The following ASTN2 variants were observed in gnomAD, a reference collection of about 807,000 sequenced individuals.
ASTN2 encodes astrotactin 2.
Under a neutral mutation model 139.8 loss-of-function variants are expected in ASTN2, and 54 were observed. The ratio of observed to expected loss-of-function variants is 0.39; its 90% confidence interval spans 0.31 to 0.48. The LOEUF is 0.48. Ranked by LOEUF, ASTN2 falls within the 20% of genes least tolerant of loss-of-function variation. The pLI is 0.95. For missense variants in ASTN2, 1,565 were observed against 1,725.1 expected (o/e 0.91, Z 1.64); for synonymous variants, 756 against 719.5 (o/e 1.05, Z -0.81).
chr9:116,549,464 C>G (rs999976757), intron 19 of ASTN2, among the ~76,000 whole-genome samples: 14 of 152,204 alleles, frequency 9.2e-5, no homozygotes, highest in African/African-American at 3.1e-4. Context: ...GAGCTCTGAT[C>G]CCAGCTGGGG....
intron 13 of ASTN2, among the ~76,000 whole-genome samples, chr9:116,762,322 C>T (rs1049223932): frequency 1.3e-5 from 2 of 152,172 alleles, no homozygotes; most frequent in African/African-American, 4.8e-5. Context: ...GCTTCAGTTT[C>T]CACATCTCTG....
intron 3 of ASTN2, among the ~76,000 whole-genome samples, chr9:117,154,367 A>G (rs1283858325): frequency 6.6e-6 from 1 of 151,984 alleles, no homozygotes; most frequent in Non-Finnish European, 1.5e-5. Flanking sequence ...ATCAACAAAA[A>G]CACAAGCAGG....
At chr9:116,918,471 T>C (rs530344291) in intron 10 of ASTN2, among the ~76,000 whole-genome samples, 1 of 152,336 alleles carries the variant, frequency 6.6e-6, no homozygotes, top group East Asian at 1.9e-4. Context: ...TCCCAGCTCT[T>C]CCCTGAATTC....
At chr9:117,142,161 A>G (rs1394161078) in intron 3 of ASTN2, among the ~76,000 whole-genome samples, 1 of 152,220 alleles carries the variant, frequency 6.6e-6, no homozygotes. Flanking sequence ...AGTGATAAAG[A>G]CATCTGGTAG....
At position 116,424,284 on chromosome 9, in the gene ASTN2, T is replaced by A. The variant is rs951048207; in HGVS notation, c.*1567A>T. On this transcript the variant is annotated 3_prime_UTR_variant, in exon 23 of 23. Transcript: ENST00000313400. The stretch of plus-strand genomic sequence containing the variant: ...ACCCCCTAAGCTATCATCACCTCCT[T>A]CATGGAAAATGACAATGGCACCCCT... Among the ~76,000 whole-genome samples, 2 of 152,160 alleles carry A rather than the reference T, an allele frequency of 1.3e-5. No homozygotes were observed. The highest frequency in any genetic ancestry group is 2.4e-5 in the African/African-American group (1 of 41,432).
In ASTN2 at chr9:116,948,393, T is replaced by G. The variant is rs143577578; in HGVS notation, c.1889+26815A>C. Among the ~76,000 whole-genome samples, 880 of 152,298 alleles carry G rather than the reference T, an allele frequency of 5.8e-3. 9 individuals are homozygous for G. Among genetic ancestry groups the G allele is most frequent in the African/African-American group, 0.02 (846 of 41,564 alleles). ...TAATTATTTATTTTGATGCTCAACT[T>G]GTACCAAATTTGACCAGTGGCAGTG... On this transcript the variant is annotated intron_variant, in intron 10 of 22. Coordinates refer to ENST00000313400, the MANE Select transcript of ASTN2 (RefSeq NM_001365068.1).
intron 13 of ASTN2, among the ~76,000 whole-genome samples, chr9:116,802,922 G>A (rs987318904): frequency 2.0e-5 from 3 of 152,148 alleles, no homozygotes; most frequent in African/African-American, 7.2e-5. Flanking sequence ...ACTATTCTTT[G>A]CTATCACTTC....
At chr9:116,888,786 C>T (rs556844825) in intron 10 of ASTN2, among the ~76,000 whole-genome samples, 1 of 152,050 alleles carries the variant, frequency 6.6e-6, no homozygotes, top group South Asian at 2.1e-4. Context: ...GTTTGCTGCA[C>T]CTATCAACCC....
chr9:117,059,352 G>T (rs1045306582), intron 5 of ASTN2, among the ~76,000 whole-genome samples: 1 of 152,158 alleles, frequency 6.6e-6, no homozygotes, highest in South Asian at 2.1e-4. Flanking sequence ...GGTGGCTCAT[G>T]CCTGTAATCC....
intron 15 of ASTN2, among the ~76,000 whole-genome samples, chr9:116,727,122 T>C (rs540573912): frequency 1.3e-5 from 2 of 151,978 alleles, no homozygotes; most frequent in East Asian, 3.9e-4. Flanking sequence ...AAGTCACCTC[T>C]TCTCCAAGAA....
chr9:117,328,964 T>C (rs1828611448), intron 1 of ASTN2, among the ~76,000 whole-genome samples: 1 of 151,816 alleles, frequency 6.6e-6, no homozygotes, highest in African/African-American at 2.4e-5. Context: ...ATCGAAGGAG[T>C]CTGAACTTTA....
At chr9:117,115,857 C>T (rs993289524) in intron 4 of ASTN2, among the ~76,000 whole-genome samples, 8 of 151,866 alleles carry the variant, frequency 5.3e-5, no homozygotes, top group African/African-American at 1.9e-4. Flanking sequence ...AAACCCGTCT[C>T]TACTAAAAAT....
chr9:116,520,436 G>A (rs1850819196), intron 19 of ASTN2, among the ~76,000 whole-genome samples: 1 of 152,046 alleles, frequency 6.6e-6, no homozygotes, highest in Admixed American at 6.6e-5. Context: ...AAAGGCATGT[G>A]ACAAAACCCA....
chr9:116,808,108 C>G lies in ASTN2; in HGVS notation c.2208-2288G>C, dbSNP rs1379121045. ...CAGCCCAGGCAACAGTGTGAGACTT[C>G]GTCTCAAAAACAAAACAAAACAAAA... On this transcript the variant is annotated intron_variant, in intron 12 of 22. Transcript: ENST00000313400. Among the ~76,000 whole-genome samples the G allele has an allele frequency of 4.6e-5, 7 of 152,170 alleles. No homozygotes were observed. In the South Asian group the frequency reaches 1.5e-3, roughly 32 times the overall value.
At chr9:116,918,974 T>C (rs932031247) in intron 10 of ASTN2, among the ~76,000 whole-genome samples, 1 of 152,214 alleles carries the variant, frequency 6.6e-6, no homozygotes, top group African/African-American at 2.4e-5. Context: ...ACCACAAATT[T>C]AAAATTGTTG....
At chr9:116,483,032 A>C (rs1310459641) in intron 20 of ASTN2, among the ~76,000 whole-genome samples, 1 of 152,346 alleles carries the variant, frequency 6.6e-6, no homozygotes, top group East Asian at 1.9e-4. Context: ...ATTGGAGAGC[A>C]GCTACAAGAA....
chr9:116,700,196 C>T (rs774289005), intron 16 of ASTN2: 2 of 201,204 alleles, frequency 9.9e-6, no homozygotes, highest in Non-Finnish European at 2.2e-5. Context: ...ACATTTAAGA[C>T]ATCATATTCC....
At chr9:117,337,647 T>C (rs564957128) in intron 1 of ASTN2, among the ~76,000 whole-genome samples, 61 of 152,306 alleles carry the variant, frequency 4.0e-4, no homozygotes, top group African/African-American at 1.4e-3. Context: ...TTTGAATTTT[T>C]ACTGCTGGGA....
At chr9:116,749,079 C>T (rs959069236) in intron 13 of ASTN2, among the ~76,000 whole-genome samples, 2 of 150,480 alleles carry the variant, frequency 1.3e-5, no homozygotes, top group Non-Finnish European at 3.0e-5. Flanking sequence ...TGAACCTTTC[C>T]TGGACCTTTG....
Sources: gnomAD v4.1 joint callset for allele counts (sites outside exome capture counted in the v4.1 genomes callset) on GRCh38, gnomAD v4.1.1 for gene constraint, MANE v1.5 for transcripts, NCBI Gene and HGNC (gene_info 2026-07-23, HGNC 2026-07-21) for gene names.